HSPA4: variants seen among roughly 807,000 people sequenced by gnomAD.
HSPA4 encodes heat shock protein family A (Hsp70) member 4, also known as heat shock 70 kDa protein 4.
Under a neutral mutation model 106.2 loss-of-function variants are expected in HSPA4, and 25 were observed. The ratio of observed to expected loss-of-function variants is 0.24; its 90% CI spans 0.17 to 0.33. HSPA4 has a LOEUF of 0.33. HSPA4 is among the 10% of genes least tolerant of loss of function. The pLI, the probability that HSPA4 is intolerant of heterozygous loss-of-function variation, is 1.00. For synonymous variants in HSPA4, 332 were observed against 333.6 expected (o/e 1.00, Z 0.05); for missense variants, 841 against 996.0 (o/e 0.84, Z 2.10).
intron 12 of HSPA4, 97 bp downstream of exon 12, chr5:133,091,471 C>CA: frequency 1.2e-6 from 1 of 867,686 alleles, no homozygotes; most frequent in South Asian, 1.8e-5. Context: ...AGCATTGTGA[C>CA]AGAGCTGCTG....
In HSPA4 at chr5:133,104,423, TG is replaced by T; in HGVS notation, c.2512del (p.Asp838ThrfsTer11). On this transcript the variant is annotated frameshift_variant, in exon 19 of 19. Transcript: ENST00000304858. LOFTEE classifies it high-confidence loss of function. Reference sequence around the variant, plus strand: ...GATTCAGACAAGAAGCTTCCTGAAATGGACATTGATTGATTCCAACACTTGT... The same window carrying T: ...GATTCAGACAAGAAGCTTCCTGAAATGACATTGATTGATTCCAACACTTGT... ...PSDSDKKLPEMDID is the reference protein window; with the variant it reads ...PSDSDKKLPEXDID 6.2e-7 allele frequency: 1 copy of T among 1,613,916 alleles called. No homozygotes were observed.
At chr5:133,089,798 G>A in intron 11 of HSPA4, 103 bp downstream of exon 11, 1 of 871,654 alleles carries the variant, frequency 1.1e-6, no homozygotes, top group Non-Finnish European at 1.7e-6. Flanking sequence ...AGGATCACTT[G>A]AGCTGAGGAG....
intron 1 of HSPA4, among the ~76,000 whole-genome samples, chr5:133,061,871 T>C (rs779807112): frequency 6.6e-6 from 1 of 152,134 alleles, no homozygotes; most frequent in Admixed American, 6.5e-5. Flanking sequence ...TGACCTCAGG[T>C]GATCTGCCTG....
At chr5:133,092,101 A>G (rs530468426) in intron 12 of HSPA4, among the ~76,000 whole-genome samples, 23 of 152,196 alleles carry the variant, frequency 1.5e-4, no homozygotes, top group Admixed American at 2.0e-4. Flanking sequence ...ATTTTACTGA[A>G]GTTGGTCTGA....
rs748729412 is a variant in HSPA4 at position 133,091,380 on chromosome 5, C to T, written c.1560+6C>T. On this transcript the variant is annotated splice_donor_region_variant and intron_variant, in intron 12 of 18. Transcript: ENST00000304858. ...AGAATGCAAAGGAGGAAGAGGTAAT[C>T]TAGACATTGTATACCACTTGTGATG... 4.4e-5 allele frequency: 71 copies of T among 1,608,180 alleles called. No individual in the cohort carries two copies. Among genetic ancestry groups the T allele is most frequent in the Non-Finnish European group, 5.5e-5 (65 of 1,176,088 alleles).
chr5:133,074,154 CTG>C lies in HSPA4; in HGVS notation c.663+30_663+31del, dbSNP rs779512301. On this transcript the variant is annotated intron_variant, in intron 6 of 18. Coordinates refer to ENST00000304858, the MANE Select transcript of HSPA4 (RefSeq NM_002154.4). Reference sequence around the variant, plus strand: ...AAGTATATATTTTTTTTCCAGAAGACTGTTAGTAGTATGGTAATTATGAAATT... The same window carrying C: ...AAGTATATATTTTTTTTCCAGAAGACTTAGTAGTATGGTAATTATGAAATT... 8.8e-6 allele frequency: 13 copies of C among 1,477,396 alleles called. No homozygotes were observed. In the African/African-American group the frequency reaches 1.4e-4, roughly 16 times the overall value. The allele number at this position is 1,477,396 out of a possible 1,614,324, so 91.5% of individuals were successfully genotyped here.
At chr5:133,086,722 A>T in intron 7 of HSPA4, 60 bp from the exon 8 acceptor site, 5 of 1,183,106 alleles carry the variant, frequency 4.2e-6, no homozygotes, top group Non-Finnish European at 6.3e-6. Flanking sequence ...CATCCATTCC[A>T]CATAAAAGTG....
In HSPA4 at chr5:133,070,485, T is replaced by A. The variant is rs781331647; in HGVS notation, c.418T>A (p.Cys140Ser). The change falls in exon 4 of 19, where the codon TGT becomes AGT. Residue 140 changes from cysteine (C) to serine (S), a missense_variant. Cys to Ser is a moderately radical substitution (Grantham distance 112). Coordinates refer to ENST00000304858, the MANE Select transcript of HSPA4 (RefSeq NM_002154.4). ...TGTTCTTAAGAAGCCTGTAGTTGAC[T>A]GTGTTGTTTCGGTGAGTTTGATCCC... ...ESVLKKPVVD[C>S]VVSVPCFYTD... 6.2e-7 allele frequency: 1 copy of A among 1,613,938 alleles called. No individual in the cohort carries two copies. The highest frequency in any genetic ancestry group is 8.5e-7 in the Non-Finnish European group (1 of 1,179,866).
intron 16 of HSPA4, 112 bp downstream of exon 16, chr5:133,099,764 T>A (rs1306763251): frequency 1.9e-6 from 1 of 518,062 alleles, no homozygotes; most frequent in Non-Finnish European, 3.6e-6. Flanking sequence ...TGATGTTTGA[T>A]GAACTAAAAT....
At chr5:133,069,538 A>C (rs1765355078) in intron 3 of HSPA4, among the ~76,000 whole-genome samples, 1 of 152,186 alleles carries the variant, frequency 6.6e-6, no homozygotes, top group Admixed American at 6.5e-5. Context: ...GGTGTGAGCC[A>C]CTGCACCTAG....
At chr5:133,067,381 A>G (rs1311474720) in intron 2 of HSPA4, 36 bp from the exon 3 acceptor site, 6 of 1,548,358 alleles carry the variant, frequency 3.9e-6, no homozygotes, top group Non-Finnish European at 3.5e-6. Flanking sequence ...AAAAATTAGT[A>G]GTAGTCTTTC....
chr5:133,085,686 C>A (rs1765570512), intron 7 of HSPA4, among the ~76,000 whole-genome samples: 2 of 151,036 alleles, frequency 1.3e-5, no homozygotes, highest in Admixed American at 1.3e-4. Context: ...GCCCCCGCCC[C>A]CCAAAAAAAA....
chr5:133,074,018 G>A lies in HSPA4; in HGVS notation c.555G>A (p.Lys185=). ...TAVALAYGIY[K]QDLPALEEKP... ...TTGCTCTTGCATATGGAATCTATAA[G>A]CAGGATCTTCCTGCCTTAGAAGAGA... Residue 185 remains lysine, a synonymous_variant, in exon 6 of 19, where the codon AAG becomes AAA. Coordinates refer to ENST00000304858, the MANE Select transcript of HSPA4 (RefSeq NM_002154.4). The A allele has an allele frequency of 6.3e-7, 1 of 1,598,122 alleles. No homozygotes were observed. Among genetic ancestry groups the A allele is most frequent in the Non-Finnish European group, 8.5e-7 (1 of 1,174,330 alleles).
chr5:133,093,738 A>G (rs562972350), intron 13 of HSPA4, among the ~76,000 whole-genome samples: 2 of 152,060 alleles, frequency 1.3e-5, no homozygotes, highest in African/African-American at 4.8e-5. Context: ...TGATCCTCCC[A>G]CTTCAGCACC....
At chr5:133,060,871 G>A (rs1236966368) in intron 1 of HSPA4, among the ~76,000 whole-genome samples, 1 of 147,012 alleles carries the variant, frequency 6.8e-6, no homozygotes, top group African/African-American at 2.5e-5. Flanking sequence ...TCAGGGTGGA[G>A]TGTAGTGGCA....
At chr5:133,102,928 T>TTTTTTTTTA (rs1378568919) in intron 17 of HSPA4, among the ~76,000 whole-genome samples, 31 of 149,958 alleles carry the variant, frequency 2.1e-4, no homozygotes, top group African/African-American at 7.1e-4. Flanking sequence ...TTTTTTTTTT[T>TTTTTTTTTA]TTGAGATGGC....
At position 133,103,912 on chromosome 5, in the gene HSPA4, A is replaced by C; in HGVS notation, c.2205A>C (p.Glu735Asp). ...HLDAADMTKV[E>D]KSTNEAMEWM... ...ATGCTGCTGACATGACAAAGGTAGAAAAAAGCACAAATGAAGCAATGGAGT... is the reference window on the plus strand; with the variant it reads ...ATGCTGCTGACATGACAAAGGTAGACAAAAGCACAAATGAAGCAATGGAGT... Residue 735 changes from glutamate to aspartate, a missense_variant, in exon 18 of 19, where the codon GAA (glutamate) becomes GAC (aspartate). Around this residue, in one of 5 missense-constraint regions of HSPA4, gnomAD observed 328 missense variants for 372.2 expected, o/e 0.88. Coordinates refer to ENST00000304858, the MANE Select transcript of HSPA4 (RefSeq NM_002154.4). The C allele has an allele frequency of 6.2e-7, 1 of 1,614,144 alleles. No homozygotes were observed. The highest frequency in any genetic ancestry group is 8.5e-7 in the Non-Finnish European group (1 of 1,180,006).
chr5:133,087,147 A>AT (rs1765587358), intron 8 of HSPA4, among the ~76,000 whole-genome samples: 1 of 152,186 alleles, frequency 6.6e-6, no homozygotes, highest in African/African-American at 2.4e-5. Flanking sequence ...TGCGATGCTG[A>AT]TATGGTAGTC....
chr5:133,074,259 T>C (rs1765420556), intron 6 of HSPA4, 133 bp downstream of exon 6: 2 of 493,226 alleles, frequency 4.1e-6, no homozygotes, highest in South Asian at 1.0e-4. Context: ...AGAGGATTTT[T>C]TTTCTTTTCT....
Sources: allele counts gnomAD v4.1 joint callset (sites outside exome capture counted in the v4.1 genomes callset), GRCh38; gene constraint gnomAD v4.1.1; regional missense constraint gnomAD v4.1.1; transcripts MANE v1.5; gene names NCBI Gene and HGNC (gene_info 2026-07-23, HGNC 2026-07-21).